CDH4: variants seen among roughly 807,000 people sequenced by gnomAD.
The protein encoded by CDH4 is cadherin-4.
In CDH4, 33 loss-of-function variants were observed where a neutral mutation model predicts 86.0. The observed-to-expected ratio is 0.38, with a 90% CI of 0.29 to 0.51. The LOEUF is 0.51. CDH4 is among the 20% of genes least tolerant of loss of function. The pLI is 0.86. For synonymous variants in CDH4, 555 were observed against 549.4 expected, an observed-to-expected ratio of 1.01 and a Z score of -0.14; for missense variants, 1,114 against 1,307.4, an observed-to-expected ratio of 0.85 and a Z score of 2.28.
Position 61,663,252 on chromosome 20 carries a change from G to T in CDH4, c.170-80311G>T, listed in dbSNP as rs930973680. Among the ~76,000 whole-genome samples the T allele has an allele frequency of 2.0e-5, 3 of 152,166 alleles. No homozygotes were observed. Among genetic ancestry groups the T allele is most frequent in the African/African-American group, 7.2e-5 (3 of 41,430 alleles). ...CCCCTGTCCCAGAGGAGCTTTCATCGAGGGCTTGGCGCCCACGACAAATGA... is the reference window on the plus strand; with the variant it reads ...CCCCTGTCCCAGAGGAGCTTTCATCTAGGGCTTGGCGCCCACGACAAATGA... On this transcript the variant is annotated intron_variant, in intron 2 of 15. Coordinates refer to ENST00000614565, the MANE Select transcript of CDH4 (RefSeq NM_001794.5). This position sits in a 1 kb window ranked among gnomAD's most constrained non-coding sequence, Gnocchi z 5.0.
At chr20:61,665,719 G>A (rs973122279) in intron 2 of CDH4, among the ~76,000 whole-genome samples, 1 of 152,206 alleles carries the variant, frequency 6.6e-6, no homozygotes, top group South Asian at 2.1e-4. Flanking sequence ...CAGCTGAGCT[G>A]TCTTACAATA....
At chr20:61,693,746 G>A (rs2087685582) in intron 2 of CDH4, among the ~76,000 whole-genome samples, 1 of 152,208 alleles carries the variant, frequency 6.6e-6, no homozygotes, top group African/African-American at 2.4e-5. Context: ...GGCAGAAGTG[G>A]AGCATGCATG....
chr20:61,885,146 G>T (rs903077731), intron 7 of CDH4, among the ~76,000 whole-genome samples: 1 of 152,082 alleles, frequency 6.6e-6, no homozygotes, highest in African/African-American at 2.4e-5. Context: ...GCACGTTCGT[G>T]CCTGTGCCTT....
chr20:61,632,545 C>T (rs1217958414), intron 2 of CDH4, among the ~76,000 whole-genome samples: 1 of 152,104 alleles, frequency 6.6e-6, no homozygotes. Context: ...CCGGCTTCCC[C>T]CTCCCGGGCT....
chr20:61,606,652 G>A (rs927397578), intron 2 of CDH4, among the ~76,000 whole-genome samples: 2 of 152,244 alleles, frequency 1.3e-5, no homozygotes, highest in Non-Finnish European at 2.9e-5. Flanking sequence ...CCTGTCCTGG[G>A]AAGTGCACCC....
Position 61,414,657 on chromosome 20 carries a change from AAC to A in CDH4, c.169+159722_169+159723del, listed in dbSNP as rs878990115. Among the ~76,000 whole-genome samples the A allele has an allele frequency of 7.9e-5, 12 of 152,330 alleles. 1 individual carries two copies. The South Asian group carries it at 2.5e-3, about 32-fold the overall frequency. ...GGTGGTGGAGGGGGGCATTGCTATA[AAC>A]AGGGGCTTGCTGGCAGAGAGCTCAT... On this transcript the variant is annotated intron_variant, in intron 2 of 15. Coordinates refer to ENST00000614565, the MANE Select transcript of CDH4 (RefSeq NM_001794.5).
rs370537674 is a variant in CDH4 at position 61,720,110 on chromosome 20, T to A, written c.170-23453T>A. On this transcript the variant is annotated intron_variant, in intron 2 of 15. Coordinates refer to ENST00000614565, the MANE Select transcript of CDH4 (RefSeq NM_001794.5). Reference sequence around the variant, plus strand: ...GGGTTGGGGAGTGCCGCCTGCTGTTTGGCAGCATCGCCCGTGTGTCTGCAG... The same window carrying A: ...GGGTTGGGGAGTGCCGCCTGCTGTTAGGCAGCATCGCCCGTGTGTCTGCAG... 1.4e-3 allele frequency among the ~76,000 whole-genome samples: 209 copies of A among 152,106 alleles called. 8 individuals carry two copies. The South Asian group carries it at 0.042, about 31-fold the overall frequency.
rs867672447 is a variant in CDH4 at position 61,909,880 on chromosome 20, C to A, written c.1189-542C>A. 3.3e-5 allele frequency among the ~76,000 whole-genome samples: 5 copies of A among 152,220 alleles called. No individual in the cohort carries two copies. The South Asian group carries it at 6.2e-4, about 19-fold the overall frequency. On this transcript the variant is annotated intron_variant, in intron 8 of 15. Transcript: ENST00000614565. ...ACCAGTACAGGTGGAAACTTTGGGA[C>A]CTGGAAGGGGTCTGGGGTGGGGACT...
intron 2 of CDH4, among the ~76,000 whole-genome samples, chr20:61,326,761 G>GTT (rs200585035): frequency 5.3e-5 from 8 of 150,898 alleles, no homozygotes; most frequent in African/African-American, 1.7e-4. Context: ...CAAAAATGAG[G>GTT]TTTTTTTTTC....
rs200695632 is a variant in CDH4 at position 61,580,637 on chromosome 20, TC to T, written c.170-162925del. On this transcript the variant is annotated intron_variant, in intron 2 of 15. Coordinates refer to ENST00000614565, the MANE Select transcript of CDH4 (RefSeq NM_001794.5). ...GCCCATTGGTTTTTCAGGTTGACGC[TC>T]TAGGGGGGGAAATTAGCCCCCTTAT... Among the ~76,000 whole-genome samples, 19 of 80,340 alleles carry T rather than the reference TC, an allele frequency of 2.4e-4. No homozygotes were observed. The East Asian group carries it at 1.0e-2, about 42-fold the overall frequency. 52.7% of individuals were successfully genotyped at this position (80,340 alleles called of 152,430 possible).
chr20:61,741,162 C>T (rs558271124), intron 2 of CDH4, among the ~76,000 whole-genome samples: 9 of 152,144 alleles, frequency 5.9e-5, no homozygotes, highest in East Asian at 1.9e-4. Flanking sequence ...TGAGCCAAGA[C>T]GGCACCACGG....
intron 2 of CDH4, among the ~76,000 whole-genome samples, chr20:61,375,833 TG>T (rs1380000262): frequency 5.4e-5 from 2 of 37,368 alleles, no homozygotes; most frequent in Non-Finnish European, 6.2e-5. Context: ...TTGGTGGTGG[TG>T]ATGGTGTGGT....
At chr20:61,267,515 G>T (rs182649610) in intron 2 of CDH4, among the ~76,000 whole-genome samples, 1 of 152,298 alleles carries the variant, frequency 6.6e-6, no homozygotes, top group African/African-American at 2.4e-5. Context: ...GCACTTTAGT[G>T]TAGTAATGGG....
intron 2 of CDH4, among the ~76,000 whole-genome samples, chr20:61,388,858 G>C (rs555321759): frequency 6.6e-5 from 10 of 152,304 alleles, no homozygotes; most frequent in African/African-American, 2.2e-4. Flanking sequence ...CAATTATGCC[G>C]TTGTGTGAGC....
At chr20:61,723,689 A>G (rs1029134900) in intron 2 of CDH4, among the ~76,000 whole-genome samples, 3 of 152,220 alleles carry the variant, frequency 2.0e-5, no homozygotes, top group Non-Finnish European at 4.4e-5. Context: ...TGCAGAGAGA[A>G]GAGAAAATCT....
chr20:61,778,904 A>C (rs190464566), intron 4 of CDH4, among the ~76,000 whole-genome samples: 8 of 152,318 alleles, frequency 5.3e-5, no homozygotes, highest in African/African-American at 1.9e-4. Flanking sequence ...TATGGTGCCA[A>C]GCACCATGCG....
intron 3 of CDH4, 54 bp from the exon 4 acceptor site, chr20:61,772,949 T>C: frequency 1.3e-6 from 2 of 1,517,438 alleles, no homozygotes; most frequent in South Asian, 2.5e-5. Context: ...CATTTTCCTC[T>C]GTGCAAAACC....
At chr20:61,922,361 GATA>G (rs1479882456) in intron 9 of CDH4, among the ~76,000 whole-genome samples, 3 of 152,158 alleles carry the variant, frequency 2.0e-5, no homozygotes, top group African/African-American at 7.2e-5. Context: ...AAGCTTTTCT[GATA>G]ATACAGCATC....
intron 2 of CDH4, among the ~76,000 whole-genome samples, chr20:61,472,268 CTCT>C (rs1218615059): frequency 1.3e-5 from 2 of 152,184 alleles, no homozygotes. Context: ...CCTCCTTTGT[CTCT>C]TCTTATACTT....
Sources: allele counts gnomAD v4.1 joint callset (sites outside exome capture counted in the v4.1 genomes callset), GRCh38; gene constraint gnomAD v4.1.1; non-coding constraint Gnocchi (gnomAD v3.1); transcripts MANE v1.5; gene names NCBI Gene and HGNC (gene_info 2026-07-23, HGNC 2026-07-21).